HAUS7: variants seen among roughly 807,000 people sequenced by gnomAD.
HAUS7 encodes the protein HAUS augmin-like complex subunit 7.
A neutral mutation model predicts 28.4 loss-of-function variants in HAUS7; 3 were observed. The ratio of observed to expected loss-of-function variants is 0.11; its 90% CI spans 0.05 to 0.27. The LOEUF (loss-of-function observed/expected upper bound fraction) is 0.27, where lower values mean the gene tolerates loss of function less well. Among genes scored for constraint, HAUS7 ranks in the 10% least tolerant of loss-of-function variants. The pLI, the probability that HAUS7 is intolerant of heterozygous loss-of-function variation, is 1.00. For synonymous variants in HAUS7, 165 were observed against 132.1 expected (o/e 1.25, Z -1.71); for missense variants, 284 against 297.3 (o/e 0.96, Z 0.33).
Position 153,479,206 on chromosome X carries a change from C to T in HAUS7, c.-588-8061G>A, listed in dbSNP as rs1777021874. 6 of 314,219 alleles carry T rather than the reference C, an allele frequency of 1.9e-5. No individual in the cohort carries two copies. The South Asian group carries it at 9.6e-4, about 50-fold the overall frequency. The allele number at this position is 314,219 out of a possible 1,213,427, so 25.9% of individuals were successfully genotyped here. A position where few individuals can be genotyped will look rare whatever the true frequency, so the allele number is the denominator to read the frequency against. On this transcript the variant is annotated intron_variant, in intron 1 of 5. Transcript: ENST00000370210. ...AAGACCAACTTGTGCCGTCCGCCAT[C>T]GTCCTGCCGTGGCCACCACCGTGCC...
chrX:153,458,934 T>C (rs1391018078), intron 4 of HAUS7, among the ~76,000 whole-genome samples: 1 of 111,813 alleles, frequency 8.9e-6, no homozygotes, highest in Non-Finnish European at 1.9e-5. Flanking sequence ...AATTTTTTAC[T>C]TTTTGTAGAG....
chrX:153,470,769 G>A, upstream of HAUS7: 1 of 512,518 alleles, frequency 2.0e-6, no homozygotes, highest in Non-Finnish European at 3.2e-6. Context: ...AGTGAAGCGG[G>A]CAGGGCGGAC....
chrX:153,485,920 C>T, intron 1 of HAUS7: 1 of 961,315 alleles, frequency 1.0e-6, no homozygotes, highest in Non-Finnish European at 1.3e-6. Flanking sequence ...GCCTAGAGTT[C>T]CTGCACCTGT....
At chrX:153,485,754 G>A in intron 1 of HAUS7, 1 of 831,724 alleles carries the variant, frequency 1.2e-6, no homozygotes, top group Non-Finnish European at 1.5e-6. Context: ...CTGCCCCTGT[G>A]TGCCCCGCCC....
chrX:153,476,919 C>G (rs1039392998), intron 1 of HAUS7, among the ~76,000 whole-genome samples: 3 of 112,602 alleles, frequency 2.7e-5, no homozygotes, highest in Non-Finnish European at 5.6e-5. Context: ...AGAAACTTGC[C>G]GGGAGCCTCT....
chrX:153,474,641 G>C (rs186215777), upstream of HAUS7, among the ~76,000 whole-genome samples: 618 of 109,958 alleles, frequency 5.6e-3, 3 homozygotes, highest in African/African-American at 0.019. Flanking sequence ...TGGGGCCCTG[G>C]GGACCTTTGG....
At position 153,484,356 on chromosome X, in the gene HAUS7, C is replaced by T. The variant is rs781792733; in HGVS notation, c.-589+11018G>A. 3.5e-5 allele frequency among the ~76,000 whole-genome samples: 4 copies of T among 112,770 alleles called. No individual in the cohort carries two copies. In the East Asian group the frequency reaches 1.1e-3, roughly 31 times the overall value. Reference sequence around the variant, plus strand: ...TCTGGGGGCCACTCTTCACCTCATTCCAAGAAAAGTCAAGGGCAATTCCCT... The same window carrying T: ...TCTGGGGGCCACTCTTCACCTCATTTCAAGAAAAGTCAAGGGCAATTCCCT... On this transcript the variant is annotated intron_variant, in intron 1 of 5. Coordinates refer to the HAUS7 transcript ENST00000370210.
intron 1 of HAUS7, among the ~76,000 whole-genome samples, chrX:153,490,365 C>T (rs969186498): frequency 2.7e-5 from 3 of 112,870 alleles, no homozygotes; most frequent in Non-Finnish European, 5.6e-5. Context: ...AAAAAAAGCT[C>T]CTGGCATGGA....
upstream of HAUS7, among the ~76,000 whole-genome samples, chrX:153,473,393 C>A (rs1007016866): frequency 2.7e-5 from 3 of 112,978 alleles, no homozygotes; most frequent in Non-Finnish European, 5.6e-5. Context: ...GCTGTCAGAG[C>A]TAAAGCCCTA....
chrX:153,470,006 G>A, intron 1 of HAUS7, among the ~76,000 whole-genome samples: 1 of 111,383 alleles, frequency 9.0e-6, no homozygotes, highest in Non-Finnish European at 1.9e-5. Flanking sequence ...TGTCCTGTGG[G>A]GCTGTAGAGG....
Position 153,456,574 on chromosome X carries a change from T to A in HAUS7, c.524A>T (p.Gln175Leu). Reference protein sequence around the residue: ...LGELFSSPHLQMLLNPECDPW... With the variant: ...LGELFSSPHLLMLLNPECDPW... ...GTCGCACTCTGGATTCAGGAGCATCTGCAGGTGGGGGCTAGAGAAGAGCTC... is the reference window on the plus strand; with the variant it reads ...GTCGCACTCTGGATTCAGGAGCATCAGCAGGTGGGGGCTAGAGAAGAGCTC... The change falls in exon 6 of 10, where the codon CAG becomes CTG. Residue 175 changes from glutamine (Q) to leucine (L), a missense_variant. Gln to Leu is a moderately radical substitution (Grantham distance 113, BLOSUM62 -2). Transcript: ENST00000370211. The A allele has an allele frequency of 8.5e-7, 1 of 1,177,422 alleles. No homozygotes were observed. Among genetic ancestry groups the A allele is most frequent in the Non-Finnish European group, 1.1e-6 (1 of 876,732 alleles).
intron 8 of HAUS7, 78 bp downstream of exon 8, chrX:153,455,464 G>A (rs2089293446): frequency 1.5e-6 from 1 of 682,999 alleles, no homozygotes; most frequent in Non-Finnish European, 2.3e-6. Context: ...AGGCCCCTGA[G>A]CCCAAGCAGG....
chrX:153,458,585 T>C (rs2089346785), intron 4 of HAUS7, among the ~76,000 whole-genome samples: 1 of 112,401 alleles, frequency 8.9e-6, no homozygotes, highest in Admixed American at 9.4e-5. Context: ...TGTGCATGTA[T>C]ATTTTCACTT....
intron 3 of HAUS7, 41 bp from the exon 4 acceptor site, chrX:153,462,712 C>A: frequency 9.6e-7 from 1 of 1,038,147 alleles, no homozygotes; most frequent in Non-Finnish European, 1.4e-6. Flanking sequence ...GGCACCTGCC[C>A]AGACAGCAGG....
At chrX:153,461,344 T>C (rs2089387135) in intron 4 of HAUS7, among the ~76,000 whole-genome samples, 1 of 111,092 alleles carries the variant, frequency 9.0e-6, no homozygotes, top group South Asian at 3.9e-4. Context: ...CCATGCTGGT[T>C]CATGGACTGT....
rs41311378 is a variant in HAUS7 at position 153,456,270 on chromosome X, T to C, written c.700A>G (p.Thr234Ala). 52,464 of 1,204,192 alleles carry C rather than the reference T, an allele frequency of 0.044. 907 individuals carry two copies. Among genetic ancestry groups the C allele is most frequent in the Non-Finnish European group, 0.051 (45,055 of 890,098 alleles). The change falls in exon 7 of 10, where the codon ACG (threonine) becomes GCG (alanine). Residue 234 changes from threonine (T) to alanine (A), a missense_variant. Coordinates refer to ENST00000370211, the MANE Select transcript of HAUS7 (RefSeq NM_001385482.1). ...CCAGGAGCTAGCACCCTCACCTCCG[T>C]TCTAAGCGCGTGCAACTTGGCAGCA... ...ESAAKLHALR[T>A]EYFAQHEQGA... is the part of the protein sequence containing the mutation.
intron 9 of HAUS7, among the ~76,000 whole-genome samples, chrX:153,453,926 C>T (rs1319586830): frequency 1.7e-4 from 19 of 109,121 alleles, no homozygotes; most frequent in African/African-American, 6.0e-4. Flanking sequence ...CTCAAGTGAT[C>T]CTCCCACCTC....
chrX:153,470,182 C>G (rs1556984920), intron 1 of HAUS7, among the ~76,000 whole-genome samples: 1 of 113,402 alleles, frequency 8.8e-6, no homozygotes, highest in East Asian at 2.8e-4. Flanking sequence ...CTCCGAGCGC[C>G]CAGCGCGGGT....
At chrX:153,464,461 C>G (rs1164678781) in intron 3 of HAUS7, among the ~76,000 whole-genome samples, 6 of 112,453 alleles carry the variant, frequency 5.3e-5, no homozygotes, top group Non-Finnish European at 1.1e-4. Flanking sequence ...CTTATCTACC[C>G]TGGAGTGGCC....
Sources: allele counts gnomAD v4.1 joint callset (sites outside exome capture counted in the v4.1 genomes callset), GRCh38; gene constraint gnomAD v4.1.1; transcripts MANE v1.5; gene names NCBI Gene and HGNC (gene_info 2026-07-23, HGNC 2026-07-21).